ANK3: variants seen among roughly 807,000 people sequenced by gnomAD.
The protein encoded by ANK3 is ankyrin 3.
Under a neutral mutation model 370.9 loss-of-function variants are expected in ANK3, and 57 were observed. The observed-to-expected ratio is 0.15, with a 90% CI of 0.12 to 0.19. The LOEUF (loss-of-function observed/expected upper bound fraction) is 0.19. Ranked by LOEUF, ANK3 falls within the 10% of genes least tolerant of loss-of-function variation. ANK3 has a pLI of 1.00. For missense variants in ANK3, 4,439 were observed against 5,302.1 expected, an observed-to-expected ratio of 0.84 and a Z score of 5.06; for synonymous variants, 1,929 against 1,946.3, an observed-to-expected ratio of 0.99 and a Z score of 0.23.
chr10:60,677,713 T>G (rs908354202), intron 1 of ANK3, among the ~76,000 whole-genome samples: 4 of 149,518 alleles, frequency 2.7e-5, no homozygotes, highest in African/African-American at 7.4e-5. Context: ...CCAGAGACTC[T>G]CAAATTCCAA....
chr10:60,407,800 T>A (rs754835987), intron 2 of ANK3, among the ~76,000 whole-genome samples: 4 of 152,202 alleles, frequency 2.6e-5, no homozygotes, highest in Non-Finnish European at 4.4e-5. Flanking sequence ...TGACTGGATA[T>A]TTTATGTCAC....
At chr10:60,359,833 C>G (rs1044422409) in intron 1 of ANK3, among the ~76,000 whole-genome samples, 2 of 152,276 alleles carry the variant, frequency 1.3e-5, no homozygotes, top group Non-Finnish European at 1.5e-5. Flanking sequence ...TCAGTCAAAG[C>G]TCTTTTAAGT....
intron 1 of ANK3, among the ~76,000 whole-genome samples, chr10:60,346,058 C>G (rs891951262): frequency 2.6e-5 from 4 of 151,940 alleles, no homozygotes; most frequent in Non-Finnish European, 4.4e-5. Flanking sequence ...TGGTTGGCCA[C>G]TAGAAGAAAA....
At chr10:60,143,642 G>A (rs903788630) in intron 23 of ANK3, among the ~76,000 whole-genome samples, 1 of 152,196 alleles carries the variant, frequency 6.6e-6, no homozygotes, top group African/African-American at 2.4e-5. Context: ...GATTTTGGTA[G>A]CTCATCTTTA....
chr10:60,363,478 G>C (rs1433842564), intron 1 of ANK3, among the ~76,000 whole-genome samples: 1 of 152,210 alleles, frequency 6.6e-6, no homozygotes. Context: ...AAAGGGCCCA[G>C]ATAGGGCAAA....
At chr10:60,306,277 G>GCTCT (rs1287538073) in intron 1 of ANK3, among the ~76,000 whole-genome samples, 13 of 151,958 alleles carry the variant, frequency 8.6e-5, no homozygotes, top group Non-Finnish European at 1.0e-4. Context: ...TCATAGCTTA[G>GCTCT]CTCTCACTTA....
intron 1 of ANK3, among the ~76,000 whole-genome samples, chr10:60,718,842 T>C (rs1023691966): frequency 6.6e-6 from 1 of 152,186 alleles, no homozygotes; most frequent in African/African-American, 2.4e-5. Flanking sequence ...CAAATGATAG[T>C]ACACAAAAGT....
chr10:60,417,585 G>A (rs2063694336), intron 2 of ANK3, among the ~76,000 whole-genome samples: 1 of 152,154 alleles, frequency 6.6e-6, no homozygotes, highest in African/African-American at 2.4e-5. Context: ...ATAAGTGAAA[G>A]GTGATGTGCC....
rs1169019046 is a variant in ANK3, at chr10:60,493,599, T to C, written c.96+121587A>G. On this transcript the variant is annotated intron_variant, in intron 2 of 43. Transcript: ENST00000373827. ...GAACTAAATTTTGGACTATATTGAA[T>C]TTGAGATTGTGCTAACAGTGTCAAG... is the stretch of plus-strand genomic sequence containing the variant. 3.3e-5 allele frequency among the ~76,000 whole-genome samples: 5 copies of C among 152,196 alleles called. No individual in the cohort carries two copies. In the East Asian group the frequency reaches 9.7e-4, roughly 29 times the overall value.
At chr10:60,089,459 TTGTGTGTGTG>T (rs61497871) in intron 28 of ANK3, among the ~76,000 whole-genome samples, 11,598 of 141,520 alleles carry the variant, frequency 0.082, 485 homozygotes, top group South Asian at 0.13. Context: ...TCCATCCAGG[TTGTGTGTGTG>T]TGTGTGTGTG....
Position 60,074,788 on chromosome 10 carries a change from G to A in ANK3, c.6093C>T (p.Thr2031=). 1.2e-6 allele frequency: 2 copies of A among 1,614,032 alleles called. No individual in the cohort carries two copies. Among genetic ancestry groups the A allele is most frequent in the Non-Finnish European group, 1.7e-6 (2 of 1,179,996 alleles). Residue 2031 remains threonine, a synonymous_variant, in exon 37 of 44, where the codon ACC becomes ACT. Transcript: ENST00000280772. ...KAASEKDYNL[T]KVIDYLTNDI... ...CATTTGTTAGGTAATCAATAACTTT[G>A]GTCAAGTTATAATCCTTTTCGGAGG...
intron 2 of ANK3, among the ~76,000 whole-genome samples, chr10:60,476,514 T>C (rs1418034152): frequency 6.6e-6 from 1 of 152,170 alleles, no homozygotes; most frequent in Non-Finnish European, 1.5e-5. Flanking sequence ...CATAGAAAAC[T>C]ATAAGCTCCT....
At chr10:60,225,774 T>C (rs2097129921) in intron 8 of ANK3, among the ~76,000 whole-genome samples, 1 of 152,054 alleles carries the variant, frequency 6.6e-6, no homozygotes, top group Admixed American at 6.6e-5. Flanking sequence ...ATGTTATTTG[T>C]ATTGTAGTTT....
Position 60,728,878 on chromosome 10 carries a change from T to C in ANK3, c.57+4385A>G, listed in dbSNP as rs1043428850. ...AAATGCCAGGGGTGGTGGGTAACAA[T>C]ACTTACCCTCTAGTTTATTGTGAAG... On this transcript the variant is annotated intron_variant, in intron 1 of 43. Coordinates refer to the ANK3 transcript ENST00000373827. Among the ~76,000 whole-genome samples the C allele has an allele frequency of 2.6e-5, 4 of 152,220 alleles. No individual in the cohort carries two copies. The East Asian group carries it at 5.8e-4, about 22-fold the overall frequency.
chr10:60,650,543 C>T (rs572178900), intron 1 of ANK3, among the ~76,000 whole-genome samples: 2 of 152,236 alleles, frequency 1.3e-5, no homozygotes, highest in African/African-American at 4.8e-5. Context: ...TAGACATTGG[C>T]ATGCATAGTT....
intron 2 of ANK3, among the ~76,000 whole-genome samples, chr10:60,546,536 A>T (rs1383968991): frequency 6.6e-6 from 1 of 152,224 alleles, no homozygotes; most frequent in Admixed American, 6.5e-5. Flanking sequence ...GCATGACTTT[A>T]GAGTAAATTC....
At chr10:60,147,214 A>C (rs190871428) in intron 23 of ANK3, among the ~76,000 whole-genome samples, 2 of 152,260 alleles carry the variant, frequency 1.3e-5, no homozygotes, top group East Asian at 3.9e-4. Flanking sequence ...GAGGACCCGC[A>C]AGCCTTGCAC....
At chr10:60,528,873 G>T (rs970776849) in intron 2 of ANK3, among the ~76,000 whole-genome samples, 4 of 152,124 alleles carry the variant, frequency 2.6e-5, no homozygotes, top group Non-Finnish European at 2.9e-5. Context: ...CAGTACAGAT[G>T]CTGAGTTTTT....
rs200855916 is a variant in ANK3 at position 60,069,187 on chromosome 10, G to A, written c.11694C>T (p.Thr3898=). 1.2e-5 allele frequency: 20 copies of A among 1,614,104 alleles called. No individual in the cohort carries two copies. In the East Asian group the frequency reaches 4.2e-4, roughly 34 times the overall value. Residue 3898 remains threonine (T), a synonymous_variant, in exon 37 of 44, where the codon ACC becomes ACT. Coordinates refer to ENST00000280772, the MANE Select transcript of ANK3 (RefSeq NM_020987.5). ...CACATGAAGAAGTAGTAAGGGCTTT[G>A]GTTTTCTCGGATTGACTAACCTGCT... ...KMKQVSQSEK[T]KALTTSSCVD... is the part of the protein sequence containing the mutation.
Sources: gnomAD v4.1 joint callset for allele counts (sites outside exome capture counted in the v4.1 genomes callset) on GRCh38, gnomAD v4.1.1 for gene constraint, MANE v1.5 for transcripts, NCBI Gene and HGNC (gene_info 2026-07-23, HGNC 2026-07-21) for gene names.